The following SHANK1 variants were observed in gnomAD, a reference collection of about 807,000 sequenced individuals.
The protein encoded by SHANK1 is SH3 and multiple ankyrin repeat domains 1, also known as SH3 and multiple ankyrin repeat domains protein 1.
Under a neutral mutation model 165.6 loss-of-function variants are expected in SHANK1, and 35 were observed. The ratio of observed to expected loss-of-function variants is 0.21; its 90% confidence interval spans 0.16 to 0.28. The LOEUF (loss-of-function observed/expected upper bound fraction) is 0.28. Among genes scored for constraint, SHANK1 ranks in the 10% least tolerant of loss-of-function variants. The pLI is 1.00. For synonymous variants in SHANK1, 1,428 were observed against 1,384.8 expected, an observed-to-expected ratio of 1.03 and a Z score of -0.69; for missense variants, 2,681 against 3,036.4, an observed-to-expected ratio of 0.88 and a Z score of 2.75.
At chr19:50,673,283 G>A (rs965245727) in intron 21 of SHANK1, among the ~76,000 whole-genome samples, 3 of 152,040 alleles carry the variant, frequency 2.0e-5, no homozygotes, top group Middle Eastern at 3.4e-3. Flanking sequence ...CCCCACCTCC[G>A]GCTCCCGTTC....
Position 50,662,597 on chromosome 19 carries a change from G to A in SHANK1, c.5854C>T (p.Leu1952Phe). The change falls in exon 24 of 24, where the codon CTC (leucine) becomes TTC (phenylalanine). Residue 1952 changes from leucine (L) to phenylalanine (F), a missense_variant. Coordinates refer to ENST00000293441, the MANE Select transcript of SHANK1 (RefSeq NM_016148.5). This position sits in a 1 kb window ranked among gnomAD's most constrained non-coding sequence, Gnocchi z 7.7. ...QNWPKPPLPP[L>F]PTGTGVSPTA... ...GGGGAGACCCCTGTTCCGGTGGGGAGTGGCGGCAGAGGTGGTTTGGGCCAG... is the reference window on the plus strand; with the variant it reads ...GGGGAGACCCCTGTTCCGGTGGGGAATGGCGGCAGAGGTGGTTTGGGCCAG... 6.4e-7 allele frequency: 1 copy of A among 1,564,618 alleles called. No homozygotes were observed. Among genetic ancestry groups the A allele is most frequent in the Non-Finnish European group, 8.7e-7 (1 of 1,154,264 alleles).
At chr19:50,664,894 A>G (rs2123066266) in intron 23 of SHANK1, among the ~76,000 whole-genome samples, 1 of 152,218 alleles carries the variant, frequency 6.6e-6, no homozygotes, top group South Asian at 2.1e-4. Context: ...AGCTAGGACT[A>G]CAGGTGCCCA....
rs1599876602 is a variant in SHANK1, at chr19:50,717,992, A to C, written c.-43-1030T>G. On this transcript the variant is annotated intron_variant, in intron 1 of 23. Transcript: ENST00000293441. This position sits in a 1 kb window ranked among gnomAD's most constrained non-coding sequence, Gnocchi z 5.5. ...TCCGCCTCCCTTCTGTTCTCCCCCA[A>C]CTCCCACCCCAGCACCGGAAACCAG... Among the ~76,000 whole-genome samples, 1 of 151,464 alleles carries C rather than the reference A, an allele frequency of 6.6e-6. No homozygotes were observed. The highest frequency in any genetic ancestry group is 1.5e-5 in the Non-Finnish European group (1 of 67,828).
In SHANK1 at chr19:50,661,556, G is replaced by C. The variant is rs1228440555; in HGVS notation, c.*409C>G. ...GGAGAGAGTGGGAAGGGTTGTTAGA[G>C]GGGTGGCAGGTGGTGGAATCCGAGG... is the stretch of plus-strand genomic sequence containing the variant. On this transcript the variant is annotated 3_prime_UTR_variant, in exon 24 of 24. Coordinates refer to ENST00000293441, the MANE Select transcript of SHANK1 (RefSeq NM_016148.5). Among the ~76,000 whole-genome samples, 3 of 151,930 alleles carry C rather than the reference G, an allele frequency of 2.0e-5. No homozygotes were observed. The highest frequency in any genetic ancestry group is 4.4e-5 in the Non-Finnish European group (3 of 67,968).
At chr19:50,665,860 C>T (rs1428395991) in intron 23 of SHANK1, among the ~76,000 whole-genome samples, 1 of 149,752 alleles carries the variant, frequency 6.7e-6, no homozygotes, top group South Asian at 2.1e-4. Flanking sequence ...ATGGAGAAAC[C>T]CCATCTCTAC....
rs147025226 is a variant in SHANK1, at chr19:50,708,763, C to A, written c.1077+2608G>T. Reference sequence around the variant, plus strand: ...TTGGTGGAAATCCAAGAGGGCTGACCCCATCATTCATTCACTCATTTTCAT... The same window carrying A: ...TTGGTGGAAATCCAAGAGGGCTGACACCATCATTCATTCACTCATTTTCAT... On this transcript the variant is annotated intron_variant, in intron 8 of 23. Coordinates refer to ENST00000293441, the MANE Select transcript of SHANK1 (RefSeq NM_016148.5). Among the ~76,000 whole-genome samples, 440 of 152,232 alleles carry A rather than the reference C, an allele frequency of 2.9e-3. 7 individuals are homozygous for A. The highest frequency in any genetic ancestry group is 1.0e-2 in the African/African-American group (414 of 41,522).
chr19:50,696,119 A>T (rs1348314738), intron 15 of SHANK1, among the ~76,000 whole-genome samples: 1 of 152,150 alleles, frequency 6.6e-6, no homozygotes, highest in East Asian at 1.9e-4. Flanking sequence ...CCCATTGACA[A>T]GACAGAGTAG....
rs1348584181 is a variant in SHANK1 at position 50,717,094 on chromosome 19, A to G, written c.-43-132T>C. On this transcript the variant is annotated intron_variant, in intron 1 of 23. Transcript: ENST00000293441. The surrounding 1 kb of genome is among the most constrained non-coding windows in gnomAD (Gnocchi z 5.5). ...AAGATAGGCAGGAAGGAGGCTGGAC[A>G]CACCCTCGGCCTGCACGGCCTCCCC... The G allele has an allele frequency of 1.4e-6, 1 of 704,998 alleles. No homozygotes were observed. The highest frequency in any genetic ancestry group is 1.8e-5 in the African/African-American group (1 of 54,300). The allele number at this position is 704,998 out of a possible 1,614,324, so 43.7% of individuals were successfully genotyped here.
At chr19:50,689,489 A>C in intron 15 of SHANK1, 4 of 674,590 alleles carry the variant, frequency 5.9e-6, no homozygotes, top group East Asian at 2.8e-5. Context: ...TCTCTCTCTC[A>C]CTCCCTCTCT....
Position 50,702,447 on chromosome 19 carries a change from C to T in SHANK1, c.1747+20G>A. On this transcript the variant is annotated intron_variant, in intron 12 of 23. Coordinates refer to ENST00000293441, the MANE Select transcript of SHANK1 (RefSeq NM_016148.5). This position sits in a 1 kb window ranked among gnomAD's most constrained non-coding sequence, Gnocchi z 5.3. ...CCCCACAGCCCAGCCCAGCCCAGGC[C>T]CTGCTTCCACCCTGGGTACCTTTGA... 4 of 1,598,282 alleles carry T rather than the reference C, an allele frequency of 2.5e-6. No homozygotes were observed. Among genetic ancestry groups the T allele is most frequent in the Non-Finnish European group, 3.4e-6 (4 of 1,171,650 alleles).
chr19:50,671,180 C>CTTTTTTT (rs35076465), intron 22 of SHANK1, among the ~76,000 whole-genome samples: 2 of 76,724 alleles, frequency 2.6e-5, no homozygotes, highest in Non-Finnish European at 2.3e-5. Context: ...TTTTTTCACT[C>CTTTTTTT]TTTTTTTTTT....
At position 50,667,567 on chromosome 19, in the gene SHANK1, C is replaced by T; in HGVS notation, c.4393G>A (p.Glu1465Lys). 6.9e-7 allele frequency: 1 copy of T among 1,449,228 alleles called. No individual in the cohort carries two copies. The highest frequency in any genetic ancestry group is 9.0e-7 in the Non-Finnish European group (1 of 1,112,542). 89.8% of individuals were successfully genotyped at this position (1,449,228 alleles called of 1,614,324 possible). A position where few individuals can be genotyped will look rare whatever the true frequency, so the allele number is the denominator to read the frequency against. ...VGPLLLQLGT[E>K]PPAPHPGVSK... Reference sequence around the variant, plus strand: ...ACTCCGGGGTGCGGGGCCGGGGGCTCCGTCCCCAGCTGCAGCAGGAGGGGC... The same window carrying T: ...ACTCCGGGGTGCGGGGCCGGGGGCTTCGTCCCCAGCTGCAGCAGGAGGGGC... The change falls in exon 23 of 24, where the codon GAG (glutamate) becomes AAG (lysine). Residue 1465 changes from glutamate (E) to lysine (K), a missense_variant. Physicochemically the swap from Glu to Lys is moderately conservative, Grantham distance 56. This residue lies in a region of SHANK1 where 1,713 missense variants were observed against 1,630.2 expected (regional missense o/e 1.05). Transcript: ENST00000293441. This position sits in a 1 kb window ranked among gnomAD's most constrained non-coding sequence, Gnocchi z 5.7.
intron 8 of SHANK1, 83 bp downstream of exon 8, chr19:50,711,288 T>A: frequency 2.4e-6 from 2 of 830,482 alleles, no homozygotes; most frequent in Non-Finnish European, 4.0e-6. Context: ...AGAGATGCAG[T>A]CAAGAGGAGT....
chr19:50,686,168 A>G lies in SHANK1; in HGVS notation c.2577+69T>C. 1 of 898,958 alleles carries G rather than the reference A, an allele frequency of 1.1e-6. No homozygotes were observed. Among genetic ancestry groups the G allele is most frequent in the Non-Finnish European group, 1.7e-6 (1 of 582,686 alleles). 55.7% of individuals were successfully genotyped at this position (898,958 alleles called of 1,614,324 possible). On this transcript the variant is annotated intron_variant, in intron 21 of 23. Transcript: ENST00000293441. This position sits in a 1 kb window ranked among gnomAD's most constrained non-coding sequence, Gnocchi z 5.7. ...GAGGCGTCAGGAGGGTTTTGGAAAG[A>G]GAAAGGCTCCAGGTTGGTGTGTGAA...
At position 50,707,294 on chromosome 19, in the gene SHANK1, G is replaced by A. The variant is rs116633255; in HGVS notation, c.1078-2780C>T. On this transcript the variant is annotated intron_variant, in intron 8 of 23. Transcript: ENST00000293441. ...AATGCTGGACCCACAGGGACTATTC[G>A]GTAGAAGGAGTGTCCTCTCCCTTTT... Among the ~76,000 whole-genome samples the A allele has an allele frequency of 4.7e-3, 708 of 152,248 alleles. 6 individuals carry two copies. The highest frequency in any genetic ancestry group is 0.016 in the African/African-American group (679 of 41,534).
At chr19:50,678,648 A>C (rs1390137699) in intron 21 of SHANK1, among the ~76,000 whole-genome samples, 1 of 142,110 alleles carries the variant, frequency 7.0e-6, no homozygotes, top group Non-Finnish European at 1.5e-5. Flanking sequence ...AGTAGGAGTC[A>C]GAGTGATGGG....
In SHANK1 at chr19:50,697,556, A is replaced by AG; in HGVS notation, c.1937+32dup. The AG allele has an allele frequency of 3.9e-6, 6 of 1,525,436 alleles. No individual in the cohort carries two copies. The highest frequency in any genetic ancestry group is 4.5e-6 in the Non-Finnish European group (5 of 1,099,484). 94.5% of individuals were successfully genotyped at this position (1,525,436 alleles called of 1,614,324 possible). ...TACATTGTGAAGGGAACTTGGGGTGAGGGGGGTTGCCCGAGGGTGTAAGGA... is the reference window on the plus strand; with the variant it reads ...TACATTGTGAAGGGAACTTGGGGTGAGGGGGGGTTGCCCGAGGGTGTAAGGA... On this transcript the variant is annotated intron_variant, in intron 14 of 23. Coordinates refer to ENST00000293441, the MANE Select transcript of SHANK1 (RefSeq NM_016148.5). This position sits in a 1 kb window ranked among gnomAD's most constrained non-coding sequence, Gnocchi z 4.7.
intron 23 of SHANK1, 51 bp downstream of exon 23, chr19:50,666,141 C>T (rs1327671967): frequency 6.7e-7 from 1 of 1,489,604 alleles, no homozygotes; most frequent in African/African-American, 1.4e-5. Context: ...GGGACACAGC[C>T]ATGCCATCAA....
intron 12 of SHANK1, among the ~76,000 whole-genome samples, chr19:50,698,812 G>A (rs1035335908): frequency 2.6e-5 from 4 of 152,130 alleles, no homozygotes; most frequent in East Asian, 1.9e-4. Context: ...ACTCATGTGC[G>A]CTACCTCTCC....
Sources: gnomAD v4.1 joint callset for allele counts (sites outside exome capture counted in the v4.1 genomes callset) on GRCh38, gnomAD v4.1.1 for gene constraint, gnomAD v4.1.1 regional missense constraint, Gnocchi (gnomAD v3.1) non-coding constraint, MANE v1.5 for transcripts, NCBI Gene and HGNC (gene_info 2026-07-23, HGNC 2026-07-21) for gene names.